Variants in CDK19 observed in about 807,000 individuals in gnomAD.
CDK19 encodes the protein cyclin dependent kinase 19, also known as cyclin-dependent kinase 19.
In CDK19, 20 loss-of-function variants were observed where a neutral mutation model predicts 68.3. That is an observed-to-expected ratio of 0.29 (90% confidence interval 0.21 to 0.43). The LOEUF is 0.43. Ranked by LOEUF, CDK19 falls within the 20% of genes least tolerant of loss-of-function variation. The probability of loss-of-function intolerance (pLI) is 1.00; values close to 1 mark genes in which losing one functional copy is unlikely to be tolerated. For synonymous variants in CDK19, 221 were observed against 222.8 expected (o/e 0.99, Z 0.07); for missense variants, 339 against 623.5 (o/e 0.54, Z 4.86).
intron 4 of CDK19, chr6:110,646,267 T>C: frequency 6.6e-7 from 1 of 1,504,888 alleles, no homozygotes; most frequent in Middle Eastern, 2.2e-4. Flanking sequence ...CATAGTTGCG[T>C]GTGCTGCCCC....
chr6:110,772,986 C>T (rs1780138442), intron 1 of CDK19, among the ~76,000 whole-genome samples: 2 of 148,158 alleles, frequency 1.3e-5, no homozygotes, highest in East Asian at 2.0e-4. Context: ...GAGGCTAAGG[C>T]GGGCAGATCG....
chr6:110,710,540 A>G (rs1326618300), intron 2 of CDK19, among the ~76,000 whole-genome samples: 5 of 152,212 alleles, frequency 3.3e-5, no homozygotes, highest in African/African-American at 1.2e-4. Context: ...CTTATAAACA[A>G]AAGAAATTTA....
intron 4 of CDK19, among the ~76,000 whole-genome samples, chr6:110,654,846 C>T (rs1304286937): frequency 6.6e-6 from 1 of 151,382 alleles, no homozygotes; most frequent in African/African-American, 2.4e-5. Flanking sequence ...GAGGCTAAGG[C>T]AGGAGAATCA....
rs1217987321 is a variant in CDK19 at position 110,804,397 on chromosome 6, C to T, written c.128+10612G>A. 4.6e-5 allele frequency among the ~76,000 whole-genome samples: 7 copies of T among 151,942 alleles called. No homozygotes were observed. The East Asian group carries it at 1.2e-3, about 26-fold the overall frequency. ...TTACTCTGTGGCCCAGGCTGGAGTGCAATGGCGCGATCTCGGCTCACTGAA... is the reference window on the plus strand; with the variant it reads ...TTACTCTGTGGCCCAGGCTGGAGTGTAATGGCGCGATCTCGGCTCACTGAA... On this transcript the variant is annotated intron_variant, in intron 1 of 12. Transcript: ENST00000368911.
intron 1 of CDK19, among the ~76,000 whole-genome samples, chr6:110,768,607 T>C (rs1257874327): frequency 6.6e-6 from 1 of 152,100 alleles, no homozygotes; most frequent in African/African-American, 2.4e-5. Context: ...CAAATGCATA[T>C]TACAAAGTGC....
intron 5 of CDK19, among the ~76,000 whole-genome samples, chr6:110,636,665 T>C (rs1779796921): frequency 6.6e-6 from 1 of 152,186 alleles, no homozygotes; most frequent in South Asian, 2.1e-4. Context: ...GGCCAGGTTA[T>C]AACAAATTAG....
At chr6:110,699,906 G>A (rs962332848) in intron 2 of CDK19, among the ~76,000 whole-genome samples, 3 of 152,162 alleles carry the variant, frequency 2.0e-5, no homozygotes, top group African/African-American at 7.2e-5. Flanking sequence ...CCTAACCCCT[G>A]GGCCATGGAC....
At chr6:110,739,323 G>A (rs1308269857) in intron 2 of CDK19, among the ~76,000 whole-genome samples, 9 of 152,212 alleles carry the variant, frequency 5.9e-5, no homozygotes, top group Middle Eastern at 3.4e-3. Flanking sequence ...GAGACACAGG[G>A]AGAAGACAGC....
At chr6:110,736,031 A>C (rs1464099470) in intron 2 of CDK19, among the ~76,000 whole-genome samples, 1 of 152,148 alleles carries the variant, frequency 6.6e-6, no homozygotes, top group African/African-American at 2.4e-5. Flanking sequence ...ATCAAAACAT[A>C]CCTGATTCCC....
chr6:110,760,945 G>A (rs1005426453), intron 1 of CDK19, among the ~76,000 whole-genome samples: 1 of 152,176 alleles, frequency 6.6e-6, no homozygotes, highest in Non-Finnish European at 1.5e-5. Flanking sequence ...TTCTCAGACG[G>A]GGAATATGCC....
At chr6:110,731,056 CAAAA>C (rs758985544) in intron 2 of CDK19, among the ~76,000 whole-genome samples, 2 of 78,034 alleles carry the variant, frequency 2.6e-5, no homozygotes, top group Non-Finnish European at 5.8e-5. Context: ...CCATCTCAAA[CAAAA>C]AAAAGAAAGA....
At chr6:110,742,618 A>C (rs1366598946) in intron 2 of CDK19, among the ~76,000 whole-genome samples, 1 of 152,140 alleles carries the variant, frequency 6.6e-6, no homozygotes, top group East Asian at 1.9e-4. Context: ...ACCCTGGGGA[A>C]AGAATGCATT....
chr6:110,745,996 C>T (rs1043310222), intron 2 of CDK19, 130 bp downstream of exon 2: 12 of 463,694 alleles, frequency 2.6e-5, no homozygotes, highest in Non-Finnish European at 4.0e-5. Flanking sequence ...TCTCACTCTA[C>T]ATAAAATATT....
chr6:110,776,195 G>A (rs554405277), intron 1 of CDK19, among the ~76,000 whole-genome samples: 12 of 152,152 alleles, frequency 7.9e-5, no homozygotes, highest in Non-Finnish European at 1.3e-4. Flanking sequence ...TTGCGAGACT[G>A]AGGCAGGTGG....
At chr6:110,765,715 G>A (rs1214470641) in intron 1 of CDK19, among the ~76,000 whole-genome samples, 1 of 150,362 alleles carries the variant, frequency 6.7e-6, no homozygotes, top group Non-Finnish European at 1.5e-5. Context: ...GAGGGGAAGG[G>A]AATATTATAT....
chr6:110,759,124 G>A (rs1184615754), intron 1 of CDK19, among the ~76,000 whole-genome samples: 1 of 151,702 alleles, frequency 6.6e-6, no homozygotes, highest in African/African-American at 2.4e-5. Flanking sequence ...ATTTTGGCCA[G>A]GCATGGTGGC....
chr6:110,679,090 C>T (rs1348436070), intron 2 of CDK19, among the ~76,000 whole-genome samples: 1 of 152,144 alleles, frequency 6.6e-6, no homozygotes, highest in Non-Finnish European at 1.5e-5. Context: ...AGGAGGACCA[C>T]TCAAGGCCAG....
chr6:110,790,987 T>A (rs1266931173), intron 1 of CDK19, among the ~76,000 whole-genome samples: 1 of 152,020 alleles, frequency 6.6e-6, no homozygotes, highest in African/African-American at 2.4e-5. Context: ...CTGGCTAACA[T>A]GGTGTAACCC....
intron 4 of CDK19, chr6:110,646,076 G>A: frequency 1.2e-6 from 1 of 862,106 alleles, no homozygotes; most frequent in Non-Finnish European, 1.9e-6. Context: ...TGGGCGACCT[G>A]CTGCAGTTTG....
Sources: gnomAD v4.1 joint callset for allele counts (sites outside exome capture counted in the v4.1 genomes callset) on GRCh38, gnomAD v4.1.1 for gene constraint, MANE v1.5 for transcripts, NCBI Gene and HGNC (gene_info 2026-07-23, HGNC 2026-07-21) for gene names.